Variants in WWOX observed in about 807,000 individuals in gnomAD.
WWOX encodes the protein WW domain containing oxidoreductase.
Under a neutral mutation model 46.2 loss-of-function variants are expected in WWOX, and 69 were observed. That is an observed-to-expected ratio of 1.49 (90% CI 1.23 to 1.82). WWOX has a LOEUF of 1.82. Among genes scored for constraint, WWOX ranks in the 40% most tolerant of loss-of-function variants. The pLI is 0.00. For missense variants in WWOX, 919 were observed against 542.6 expected, an observed-to-expected ratio of 1.69 and a Z score of -6.89; for synonymous variants, 359 against 202.6, an observed-to-expected ratio of 1.77 and a Z score of -6.56.
chr16:78,248,230 A>G (rs1041612578), intron 5 of WWOX, among the ~76,000 whole-genome samples: 3 of 152,190 alleles, frequency 2.0e-5, no homozygotes, highest in Non-Finnish European at 2.9e-5. Flanking sequence ...ACTTACAATC[A>G]TGGTGGAAGG....
chr16:78,743,298 C>T (rs192109700), intron 8 of WWOX, among the ~76,000 whole-genome samples: 7 of 152,120 alleles, frequency 4.6e-5, no homozygotes, highest in Non-Finnish European at 1.0e-4. Flanking sequence ...CCAGTATTCC[C>T]TCATTTGCCA....
At chr16:79,133,725 C>T (rs1038200801) in intron 8 of WWOX, among the ~76,000 whole-genome samples, 1 of 152,146 alleles carries the variant, frequency 6.6e-6, no homozygotes, top group South Asian at 2.1e-4. Flanking sequence ...AAGTGTTCTA[C>T]CAGCTGAAGA....
At chr16:78,182,719 G>A (rs1307556111) in intron 5 of WWOX, among the ~76,000 whole-genome samples, 4 of 151,944 alleles carry the variant, frequency 2.6e-5, no homozygotes, top group Non-Finnish European at 2.9e-5. Flanking sequence ...TTGGGAGGCC[G>A]AGGTGGGTGG....
intron 8 of WWOX, among the ~76,000 whole-genome samples, chr16:78,942,280 C>G (rs1332003452): frequency 1.3e-5 from 2 of 152,090 alleles, no homozygotes; most frequent in Admixed American, 1.3e-4. Flanking sequence ...TGCTGCCAAG[C>G]CATCTTGAAG....
At chr16:79,025,921 C>G (rs957382620) in intron 8 of WWOX, among the ~76,000 whole-genome samples, 2 of 147,766 alleles carry the variant, frequency 1.4e-5, no homozygotes, top group Non-Finnish European at 2.9e-5. Flanking sequence ...GCCTCACCCT[C>G]CCGAGTAGCT....
chr16:78,975,528 GC>G (rs2046554459), intron 8 of WWOX, among the ~76,000 whole-genome samples: 1 of 150,252 alleles, frequency 6.7e-6, no homozygotes, highest in Admixed American at 6.6e-5. Context: ...AATGGTCTTT[GC>G]CCATGAAATC....
chr16:78,556,828 C>T (rs1015555465), intron 8 of WWOX, among the ~76,000 whole-genome samples: 5 of 151,988 alleles, frequency 3.3e-5, no homozygotes, highest in African/African-American at 9.7e-5. Flanking sequence ...AAGCAATTCT[C>T]GCACCTCAGC....
intron 8 of WWOX, among the ~76,000 whole-genome samples, chr16:78,947,008 C>T (rs2062898): frequency 6.6e-6 from 1 of 151,440 alleles, no homozygotes; most frequent in African/African-American, 2.4e-5. Context: ...CTTTGTTCCC[C>T]CTCAGTCTTG....
chr16:78,745,362 G>C (rs1353729604), intron 8 of WWOX, among the ~76,000 whole-genome samples: 1 of 152,084 alleles, frequency 6.6e-6, no homozygotes, highest in Non-Finnish European at 1.5e-5. Flanking sequence ...TGAGTACTTA[G>C]CTTTGAAAAA....
intron 8 of WWOX, among the ~76,000 whole-genome samples, chr16:78,934,196 G>A (rs2045685707): frequency 6.6e-6 from 1 of 151,744 alleles, no homozygotes; most frequent in Non-Finnish European, 1.5e-5. Context: ...AAATTAGCCT[G>A]ACATGGTGGC....
chr16:78,987,412 T>C (rs1241711098), intron 8 of WWOX, among the ~76,000 whole-genome samples: 2 of 152,266 alleles, frequency 1.3e-5, no homozygotes, highest in East Asian at 3.8e-4. Flanking sequence ...AGTTTGTTCA[T>C]GCTGGAGCTC....
intron 8 of WWOX, among the ~76,000 whole-genome samples, chr16:78,923,604 G>C (rs2045429515): frequency 6.6e-6 from 1 of 151,818 alleles, no homozygotes; most frequent in African/African-American, 2.4e-5. Flanking sequence ...CAAATCTCTT[G>C]GCGGGTGGGG....
At chr16:79,127,142 T>G (rs2049775769) in intron 8 of WWOX, among the ~76,000 whole-genome samples, 1 of 152,168 alleles carries the variant, frequency 6.6e-6, no homozygotes, top group Non-Finnish European at 1.5e-5. Flanking sequence ...ACAAGGTGTA[T>G]ATGTATATAT....
At chr16:78,370,414 C>A (rs1004202326) in intron 5 of WWOX, among the ~76,000 whole-genome samples, 4 of 151,868 alleles carry the variant, frequency 2.6e-5, no homozygotes, top group Non-Finnish European at 5.9e-5. Context: ...GGATAAATAT[C>A]AAATTCAAAA....
chr16:78,703,107 C>G (rs552894870), intron 8 of WWOX, among the ~76,000 whole-genome samples: 1 of 152,150 alleles, frequency 6.6e-6, no homozygotes, highest in African/African-American at 2.4e-5. Context: ...CTGCAGGGAC[C>G]TTGCTTTTAG....
chr16:78,246,725 C>G lies in WWOX; in HGVS notation c.516+82436C>G, dbSNP rs1187158432. The stretch of plus-strand genomic sequence containing the variant: ...TCAACTTCCTCTTCTGAAGCCAGTT[C>G]CCCCCGACCATCAGTCATGAGTCCG... On this transcript the variant is annotated intron_variant, in intron 5 of 8. Transcript: ENST00000566780. 3.3e-5 allele frequency among the ~76,000 whole-genome samples: 5 copies of G among 152,258 alleles called. No homozygotes were observed. The East Asian group carries it at 7.7e-4, about 24-fold the overall frequency.
At chr16:78,825,800 C>T in intron 8 of WWOX, 1 of 595,576 alleles carries the variant, frequency 1.7e-6, no homozygotes, top group Non-Finnish European at 3.1e-6. Context: ...GTGCCATGTG[C>T]TGCTCAGATA....
chr16:78,408,996 C>T (rs11860457), intron 6 of WWOX, among the ~76,000 whole-genome samples: 8,032 of 152,206 alleles, frequency 0.053, 685 homozygotes, highest in African/African-American at 0.18. Flanking sequence ...GTAGCTCAAG[C>T]ATCTTACCTA....
intron 8 of WWOX, among the ~76,000 whole-genome samples, chr16:78,575,529 G>C (rs2044856279): frequency 6.6e-6 from 1 of 152,012 alleles, no homozygotes; most frequent in South Asian, 2.1e-4. Flanking sequence ...CCCATCCTAA[G>C]ATCTTGTGAC....
Sources: allele counts gnomAD v4.1 joint callset (sites outside exome capture counted in the v4.1 genomes callset), GRCh38; gene constraint gnomAD v4.1.1; transcripts MANE v1.5; gene names NCBI Gene and HGNC (gene_info 2026-07-23, HGNC 2026-07-21).